Variants in KCTD16 observed in about 807,000 individuals in gnomAD.
KCTD16 encodes the protein BTB/POZ domain-containing protein KCTD16.
KCTD16 carries 13 observed loss-of-function variants against 33.2 expected under a neutral mutation model. That is an observed-to-expected ratio of 0.39 (90% confidence interval 0.25 to 0.62). KCTD16 has a LOEUF of 0.62. Ranked by LOEUF, KCTD16 falls within the 20% of genes least tolerant of loss-of-function variation. The probability of loss-of-function intolerance (pLI) is 0.50; values close to 1 mark genes in which losing one functional copy is unlikely to be tolerated. For missense variants in KCTD16, 441 were observed against 525.1 expected, an observed-to-expected ratio of 0.84 and a Z score of 1.57; for synonymous variants, 197 against 195.3, an observed-to-expected ratio of 1.01 and a Z score of -0.07.
At chr5:144,398,071 A>T (rs1010486212) in intron 3 of KCTD16, among the ~76,000 whole-genome samples, 11 of 152,224 alleles carry the variant, frequency 7.2e-5, no homozygotes, top group Non-Finnish European at 1.5e-4. Context: ...TAGCTGAACA[A>T]TGAGAGCATG....
chr5:144,268,398 C>T (rs148287904), intron 3 of KCTD16, among the ~76,000 whole-genome samples: 2 of 152,100 alleles, frequency 1.3e-5, no homozygotes, highest in Admixed American at 6.5e-5. Context: ...TTTTCTACCC[C>T]CTTTTTGTCT....
chr5:144,417,874 T>G (rs1054819444), intron 3 of KCTD16, among the ~76,000 whole-genome samples: 2 of 152,256 alleles, frequency 1.3e-5, no homozygotes, highest in East Asian at 1.9e-4. Context: ...TTCCTTCCTG[T>G]GGATTCCTGG....
intron 3 of KCTD16, among the ~76,000 whole-genome samples, chr5:144,435,553 A>C (rs565759031): frequency 6.6e-6 from 1 of 152,332 alleles, no homozygotes; most frequent in South Asian, 2.1e-4. Context: ...CCATTATTAG[A>C]TATTACAAAC....
intron 3 of KCTD16, among the ~76,000 whole-genome samples, chr5:144,321,148 C>A (rs1041604251): frequency 6.6e-6 from 1 of 152,206 alleles, no homozygotes; most frequent in Non-Finnish European, 1.5e-5. Context: ...AGCCACCATG[C>A]CCAGCTGTAA....
Position 144,172,377 on chromosome 5 carries a change from T to A in KCTD16, c.-493+1368T>A, listed in dbSNP as rs79735070. 7.0e-3 allele frequency among the ~76,000 whole-genome samples: 1,060 copies of A among 152,354 alleles called. 15 individuals carry two copies. The highest frequency in any genetic ancestry group is 0.024 in the African/African-American group (1,007 of 41,570). ...TAATGAAATCTGGGTAATTGAGATATATCTGTCGCCTCAGACATTTGTCAT... is the reference window on the plus strand; with the variant it reads ...TAATGAAATCTGGGTAATTGAGATAAATCTGTCGCCTCAGACATTTGTCAT... On this transcript the variant is annotated intron_variant, in intron 1 of 3. Coordinates refer to ENST00000512467, the MANE Select transcript of KCTD16 (RefSeq NM_020768.4).
chr5:144,308,325 C>T (rs749349003), intron 3 of KCTD16, among the ~76,000 whole-genome samples: 7 of 152,212 alleles, frequency 4.6e-5, no homozygotes, highest in African/African-American at 7.2e-5. Context: ...AAATGGCTAC[C>T]GCCAACCAGT....
At chr5:144,319,679 A>T (rs1752022803) in intron 3 of KCTD16, among the ~76,000 whole-genome samples, 1 of 152,206 alleles carries the variant, frequency 6.6e-6, no homozygotes, top group Non-Finnish European at 1.5e-5. Flanking sequence ...TCATGGCTTA[A>T]GATTTCCATG....
intron 3 of KCTD16, among the ~76,000 whole-genome samples, chr5:144,344,412 C>G: frequency 6.9e-6 from 1 of 144,052 alleles, no homozygotes; most frequent in Non-Finnish European, 1.5e-5. Context: ...TCAGAGTGAA[C>G]AGGCAACCTA....
Position 144,474,888 on chromosome 5 carries a change from C to A in KCTD16, c.*774C>A, listed in dbSNP as rs1754561296. ...TGTATTCCTTATTGTGAAATTAATA[C>A]CCTCAGGCTCCATTTTACTGCTTTG... On this transcript the variant is annotated 3_prime_UTR_variant, in exon 4 of 4. Transcript: ENST00000512467. The A allele has an allele frequency of 6.6e-6, 1 of 152,148 alleles. No individual in the cohort carries two copies. Among genetic ancestry groups the A allele is most frequent in the Admixed American group, 6.5e-5 (1 of 15,272 alleles). 9.4% of individuals were successfully genotyped at this position (152,148 alleles called of 1,614,324 possible). A position where few individuals can be genotyped will look rare whatever the true frequency, so the allele number is the denominator to read the frequency against.
chr5:144,320,524 T>C (rs150669651), intron 3 of KCTD16, among the ~76,000 whole-genome samples: 73 of 152,240 alleles, frequency 4.8e-4, no homozygotes, highest in African/African-American at 1.7e-3. Flanking sequence ...TTATTAAAAA[T>C]AATTAAACTG....
chr5:144,259,755 G>A (rs2126838136), intron 3 of KCTD16, among the ~76,000 whole-genome samples: 1 of 152,304 alleles, frequency 6.6e-6, no homozygotes, highest in Non-Finnish European at 1.5e-5. Context: ...AAGACCGTCA[G>A]GCTCTTTCTT....
chr5:144,213,208 T>C (rs1753451618), intron 3 of KCTD16, among the ~76,000 whole-genome samples: 1 of 152,100 alleles, frequency 6.6e-6, no homozygotes, highest in South Asian at 2.1e-4. Context: ...CATATTATAT[T>C]ATATTTGTTT....
chr5:144,331,266 A>G (rs1752351976), intron 3 of KCTD16, among the ~76,000 whole-genome samples: 1 of 152,166 alleles, frequency 6.6e-6, no homozygotes, highest in East Asian at 1.9e-4. Flanking sequence ...TTTTGCTTTA[A>G]GCTAAAAAGA....
chr5:144,210,165 T>G (rs1302882754), intron 3 of KCTD16, among the ~76,000 whole-genome samples: 9 of 152,056 alleles, frequency 5.9e-5, no homozygotes, highest in Admixed American at 5.2e-4. Context: ...CTATCAACCA[T>G]GAATAAGTTA....
At chr5:144,281,804 G>A (rs1024275061) in intron 3 of KCTD16, among the ~76,000 whole-genome samples, 1 of 152,142 alleles carries the variant, frequency 6.6e-6, no homozygotes, top group African/African-American at 2.4e-5. Context: ...ACCCGTAATT[G>A]TGGATTTGTC....
At chr5:144,403,097 C>T (rs1752738481) in intron 3 of KCTD16, among the ~76,000 whole-genome samples, 1 of 152,176 alleles carries the variant, frequency 6.6e-6, no homozygotes, top group African/African-American at 2.4e-5. Context: ...CTGCCTCCCT[C>T]TTGGGTTCTT....
At chr5:144,365,174 CTTG>C (rs1751804725) in intron 3 of KCTD16, among the ~76,000 whole-genome samples, 1 of 151,850 alleles carries the variant, frequency 6.6e-6, no homozygotes, top group Non-Finnish European at 1.5e-5. Flanking sequence ...CTTAAACTTT[CTTG>C]TTGTGAGATA....
rs370036871 is a variant in KCTD16, at chr5:144,286,784, A to G, written c.832+79238A>G. On this transcript the variant is annotated intron_variant, in intron 3 of 3. Transcript: ENST00000512467. The stretch of plus-strand genomic sequence containing the variant: ...CGAGTTACCTAGAATTGCATTAATG[A>G]TATCATGGTAAGTTACTTAGCATGG... 3.8e-4 allele frequency among the ~76,000 whole-genome samples: 58 copies of G among 152,292 alleles called. 1 individual carries two copies. The South Asian group carries it at 0.011, about 28-fold the overall frequency.
intron 3 of KCTD16, among the ~76,000 whole-genome samples, chr5:144,210,275 GA>G (rs1448497294): frequency 6.6e-6 from 1 of 152,050 alleles, no homozygotes; most frequent in East Asian, 1.9e-4. Context: ...TATGAACAAT[GA>G]AAAAGTCAAC....
Sources: allele counts gnomAD v4.1 joint callset (sites outside exome capture counted in the v4.1 genomes callset), GRCh38; gene constraint gnomAD v4.1.1; transcripts MANE v1.5; gene names NCBI Gene and HGNC (gene_info 2026-07-23, HGNC 2026-07-21).